Variants in MTUS2 observed in about 807,000 individuals in gnomAD.
The protein encoded by MTUS2 is microtubule associated scaffold protein 2, also known as microtubule-associated tumor suppressor candidate 2.
A neutral mutation model predicts 114.1 loss-of-function variants in MTUS2; 40 were observed. The observed-to-expected ratio is 0.35, with a 90% CI of 0.27 to 0.46. The LOEUF is 0.46. Ranked by LOEUF, MTUS2 falls within the 20% of genes least tolerant of loss-of-function variation. The probability of loss-of-function intolerance (pLI) is 1.00; values close to 1 mark genes in which losing one functional copy is unlikely to be tolerated. For missense variants in MTUS2, 1,679 were observed against 1,705.4 expected (o/e 0.98, Z 0.27); for synonymous variants, 688 against 672.0 (o/e 1.02, Z -0.37).
At chr13:29,016,519 C>G (rs1886073317) in intron 2 of MTUS2, among the ~76,000 whole-genome samples, 1 of 151,990 alleles carries the variant, frequency 6.6e-6, no homozygotes, top group Non-Finnish European at 1.5e-5. Context: ...AAAACCATTA[C>G]CCCCTTTCCT....
At chr13:29,408,245 C>T (rs981636748) in intron 8 of MTUS2, among the ~76,000 whole-genome samples, 1 of 151,622 alleles carries the variant, frequency 6.6e-6, no homozygotes, top group Non-Finnish European at 1.5e-5. Flanking sequence ...AAAAAAAAAC[C>T]CTCCCTAAAC....
chr13:29,044,096 C>A (rs1297478822), intron 4 of MTUS2, among the ~76,000 whole-genome samples: 3 of 151,856 alleles, frequency 2.0e-5, no homozygotes, highest in African/African-American at 7.3e-5. Flanking sequence ...AATCTGGTAT[C>A]CTTTTTCTTC....
At chr13:28,909,760 G>T (rs1880286191) in intron 2 of MTUS2, among the ~76,000 whole-genome samples, 1 of 152,174 alleles carries the variant, frequency 6.6e-6, no homozygotes, top group African/African-American at 2.4e-5. Flanking sequence ...CAGATGTCAT[G>T]ATTGTACATC....
At chr13:29,446,020 C>T (rs971989421) in intron 9 of MTUS2, among the ~76,000 whole-genome samples, 1 of 152,166 alleles carries the variant, frequency 6.6e-6, no homozygotes, top group African/African-American at 2.4e-5. Flanking sequence ...ATGACTTGTT[C>T]CTTCTGGTGA....
At chr13:29,458,929 C>A (rs144321425) in intron 9 of MTUS2, among the ~76,000 whole-genome samples, 2 of 152,226 alleles carry the variant, frequency 1.3e-5, no homozygotes, top group Non-Finnish European at 2.9e-5. Flanking sequence ...TGCTCCACAA[C>A]GGCATCAGGG....
chr13:29,237,282 A>G (rs773940744), intron 5 of MTUS2, among the ~76,000 whole-genome samples: 5 of 152,096 alleles, frequency 3.3e-5, no homozygotes, highest in Middle Eastern at 3.4e-3. Context: ...TTTACAGATG[A>G]TTTTATTTTC....
At chr13:29,493,620 G>A (rs1181610246) in intron 12 of MTUS2, among the ~76,000 whole-genome samples, 1 of 152,114 alleles carries the variant, frequency 6.6e-6, no homozygotes, top group Non-Finnish European at 1.5e-5. Flanking sequence ...GAGACCCAGG[G>A]TCACACTCTC....
chr13:29,437,106 G>T (rs1354820593), intron 8 of MTUS2, among the ~76,000 whole-genome samples: 1 of 152,184 alleles, frequency 6.6e-6, no homozygotes, highest in African/African-American at 2.4e-5. Context: ...GATCCCTAGG[G>T]CATGACTCTG....
chr13:28,862,080 C>G (rs1002422477), intron 2 of MTUS2, among the ~76,000 whole-genome samples: 4 of 152,106 alleles, frequency 2.6e-5, no homozygotes, highest in Non-Finnish European at 5.9e-5. Flanking sequence ...TGTGTATACC[C>G]CTTGTCTATA....
Position 29,390,177 on chromosome 13 carries a change from T to TG in MTUS2, c.3117+30704_3117+30705insG, listed in dbSNP as rs1491575211. Among the ~76,000 whole-genome samples, 45 of 146,608 alleles carry TG rather than the reference T, an allele frequency of 3.1e-4. 6 individuals are homozygous for TG. Among genetic ancestry groups the TG allele is most frequent in the East Asian group, 2.6e-3 (13 of 4,912 alleles). The stretch of plus-strand genomic sequence containing the variant: ...ACACACACACTTGTGTGTGTGTGTG[T>TG]TTATGAATATATATTTTTTCTAATG... On this transcript the variant is annotated intron_variant, in intron 8 of 15. Coordinates refer to ENST00000612955, the MANE Select transcript of MTUS2 (RefSeq NM_001033602.4).
intron 7 of MTUS2, among the ~76,000 whole-genome samples, chr13:29,343,821 G>A (rs551298823): frequency 1.7e-3 from 251 of 152,120 alleles, no homozygotes; most frequent in African/African-American, 5.7e-3. Flanking sequence ...CACTGCTTTT[G>A]TTGTATCCCA....
chr13:29,307,236 C>A, intron 6 of MTUS2: 2 of 612,284 alleles, frequency 3.3e-6, no homozygotes, highest in South Asian at 1.6e-5. Context: ...CCTCCTGCAC[C>A]ATGAATTGCT....
At chr13:29,427,457 ATAT>A (rs1420144493) in intron 8 of MTUS2, among the ~76,000 whole-genome samples, 4 of 152,360 alleles carry the variant, frequency 2.6e-5, no homozygotes, top group South Asian at 4.1e-4. Flanking sequence ...ATTTATGTGA[ATAT>A]TATTATAGCA....
At chr13:29,302,459 A>G (rs988060501) in intron 6 of MTUS2, among the ~76,000 whole-genome samples, 1 of 152,190 alleles carries the variant, frequency 6.6e-6, no homozygotes, top group Non-Finnish European at 1.5e-5. Context: ...ACACAGTCCC[A>G]GGAGTGTCAC....
intron 8 of MTUS2, among the ~76,000 whole-genome samples, chr13:29,427,962 T>C (rs566940729): frequency 6.6e-6 from 1 of 152,368 alleles, no homozygotes; most frequent in South Asian, 2.1e-4. Flanking sequence ...TTTCCTTTTC[T>C]GATTTTTAAC....
chr13:29,107,751 A>G (rs1890727804), intron 5 of MTUS2, among the ~76,000 whole-genome samples: 1 of 152,180 alleles, frequency 6.6e-6, no homozygotes, highest in Non-Finnish European at 1.5e-5. Flanking sequence ...TTCGTGAGAG[A>G]ATTTCAAAGT....
chr13:28,909,735 A>G (rs528039409), intron 2 of MTUS2, among the ~76,000 whole-genome samples: 2 of 152,148 alleles, frequency 1.3e-5, no homozygotes, highest in Admixed American at 6.5e-5. Flanking sequence ...GAGGAAGTCA[A>G]ATTGTCCCTG....
chr13:29,154,960 G>T (rs956369022), intron 5 of MTUS2, among the ~76,000 whole-genome samples: 1 of 152,198 alleles, frequency 6.6e-6, no homozygotes, highest in African/African-American at 2.4e-5. Context: ...ACAGGGTAGT[G>T]GAAAAGAAGG....
intron 1 of MTUS2, among the ~76,000 whole-genome samples, chr13:28,826,893 T>G (rs1221167293): frequency 6.6e-6 from 1 of 152,194 alleles, no homozygotes; most frequent in Non-Finnish European, 1.5e-5. Context: ...AGAGTACTAG[T>G]CTAAAAATTT....
Sources: allele counts gnomAD v4.1 joint callset (sites outside exome capture counted in the v4.1 genomes callset), GRCh38; gene constraint gnomAD v4.1.1; transcripts MANE v1.5; gene names NCBI Gene and HGNC (gene_info 2026-07-23, HGNC 2026-07-21).